Variants in DRC1 observed in about 807,000 individuals in gnomAD.
DRC1 encodes dynein regulatory complex subunit 1.
In DRC1, 74 loss-of-function variants were observed where a neutral mutation model predicts 98.7. The observed-to-expected ratio is 0.75, with a 90% confidence interval of 0.62 to 0.91. The LOEUF (loss-of-function observed/expected upper bound fraction) is 0.91, where lower values mean the gene tolerates loss of function less well. Ranked by LOEUF, DRC1 falls within the 40% of genes least tolerant of loss-of-function variation. The probability of loss-of-function intolerance (pLI) is 0.00; values close to 1 mark genes in which losing one functional copy is unlikely to be tolerated. For synonymous variants in DRC1, 336 were observed against 334.1 expected (o/e 1.01, Z -0.06); for missense variants, 875 against 886.0 (o/e 0.99, Z 0.16).
chr2:26,415,373 T>G (rs967911129), intron 2 of DRC1, among the ~76,000 whole-genome samples: 4 of 152,168 alleles, frequency 2.6e-5, no homozygotes, highest in African/African-American at 9.7e-5. Flanking sequence ...AAAGTGGGAT[T>G]TGAGTTGTCT....
intron 1 of DRC1, among the ~76,000 whole-genome samples, chr2:26,407,830 C>T (rs1412373911): frequency 1.3e-5 from 2 of 152,264 alleles, no homozygotes; most frequent in East Asian, 1.9e-4. Context: ...AATTGTAGTA[C>T]ATTTAAATGT....
intron 4 of DRC1, among the ~76,000 whole-genome samples, chr2:26,424,703 G>C (rs1663239209): frequency 6.6e-6 from 1 of 152,162 alleles, no homozygotes; most frequent in South Asian, 2.1e-4. Flanking sequence ...CATAATCCCA[G>C]CATTCTGGGA....
chr2:26,408,431 G>C (rs1678492018), intron 1 of DRC1, among the ~76,000 whole-genome samples: 1 of 152,134 alleles, frequency 6.6e-6, no homozygotes, highest in Non-Finnish European at 1.5e-5. Flanking sequence ...CAGGAGGCTG[G>C]AGAAGTTTCT....
At chr2:26,418,758 T>TTAA (rs1678939817) in intron 2 of DRC1, among the ~76,000 whole-genome samples, 4 of 124,950 alleles carry the variant, frequency 3.2e-5, no homozygotes, top group African/African-American at 1.2e-4. Flanking sequence ...TAAATTATAT[T>TTAA]TTTATATATT....
chr2:26,422,681 C>A (rs752753911), intron 3 of DRC1, among the ~76,000 whole-genome samples: 2 of 152,096 alleles, frequency 1.3e-5, no homozygotes. Flanking sequence ...TTTGGGAGGC[C>A]GAGGAAGGCG....
chr2:26,431,998 G>A lies in DRC1; in HGVS notation c.880G>A (p.Asp294Asn), dbSNP rs532829853. 1.5e-5 allele frequency: 24 copies of A among 1,614,000 alleles called. No individual in the cohort carries two copies. In the South Asian group the frequency reaches 2.3e-4, roughly 16 times the overall value. The change falls in exon 7 of 17, where the codon GAT (aspartate) becomes AAT (asparagine). Residue 294 changes from aspartate to asparagine, a missense_variant. Physicochemically the swap from Asp to Asn is conservative, Grantham distance 23. Transcript: ENST00000288710. ...YNMIKIKLEQ[D>N]VQILEQQLQQ... ...CATGATCAAGATCAAGCTGGAGCAG[G>A]ATGTGCAGGTGCAACAGCTGGTCCT...
intron 11 of DRC1, 89 bp from the exon 12 acceptor site, chr2:26,449,907 T>TG: frequency 1.7e-6 from 2 of 1,194,376 alleles, no homozygotes; most frequent in South Asian, 2.7e-5. Flanking sequence ...GCATGGTCCC[T>TG]GGAGTGTTAC....
At position 26,439,655 on chromosome 2, in the gene DRC1, T is replaced by A. The variant is rs549702290; in HGVS notation, c.889-723T>A. ...TGGCCATATTTATTTCTATGGTGTT[T>A]TTAGAGGGGCTACTCATATCTCTAA... On this transcript the variant is annotated intron_variant, in intron 7 of 16. Coordinates refer to ENST00000288710, the MANE Select transcript of DRC1 (RefSeq NM_145038.5). Among the ~76,000 whole-genome samples the A allele has an allele frequency of 6.6e-5, 10 of 152,058 alleles. No homozygotes were observed. The South Asian group carries it at 2.1e-3, about 32-fold the overall frequency.
chr2:26,418,557 T>TTTATATATTATATA (rs1678894990), intron 2 of DRC1, among the ~76,000 whole-genome samples: 5 of 94,928 alleles, frequency 5.3e-5, no homozygotes, highest in African/African-American at 1.9e-4. Flanking sequence ...TTATATATAA[T>TTTATATATTATATA]TTATATATAA....
At position 26,448,672 on chromosome 2, in the gene DRC1, C is replaced by A; in HGVS notation, c.1397-19C>A. ...TATCTTCTTTTTCTTTCTCTCTCCT[C>A]CCCATGACCCAACTGCAGAAGAGGA... On this transcript the variant is annotated intron_variant, in intron 10 of 16. Coordinates refer to ENST00000288710, the MANE Select transcript of DRC1 (RefSeq NM_145038.5). 1 of 1,612,008 alleles carries A rather than the reference C, an allele frequency of 6.2e-7. No individual in the cohort carries two copies. Among genetic ancestry groups the A allele is most frequent in the Middle Eastern group, 1.7e-4 (1 of 6,042 alleles).
Position 26,455,210 on chromosome 2 carries a change from C to G in DRC1, c.2143C>G (p.Leu715Val). The change falls in exon 16 of 17, where the codon CTG becomes GTG. Residue 715 changes from leucine to valine, a missense_variant. Leu to Val is a conservative substitution (Grantham distance 32, BLOSUM62 1). Coordinates refer to ENST00000288710, the MANE Select transcript of DRC1 (RefSeq NM_145038.5). ...EQQNTELQAL[L>V]QQYLNSKINS... ...GCAGAACACAGAGCTGCAGGCGCTA[C>G]TGCAGCAGTATCTGAACTCCAAGGT... is the stretch of plus-strand genomic sequence containing the variant. 1 of 1,613,890 alleles carries G rather than the reference C, an allele frequency of 6.2e-7. No homozygotes were observed. The highest frequency in any genetic ancestry group is 8.5e-7 in the Non-Finnish European group (1 of 1,180,000).
At chr2:26,424,592 T>C (rs1663236496) in intron 4 of DRC1, 138 bp downstream of exon 4, 1 of 908,604 alleles carries the variant, frequency 1.1e-6, no homozygotes. Flanking sequence ...AGTCATGTTA[T>C]AAACTTTTTT....
intron 1 of DRC1, among the ~76,000 whole-genome samples, chr2:26,411,423 T>G (rs1558434255): frequency 6.6e-6 from 1 of 152,206 alleles, no homozygotes; most frequent in Non-Finnish European, 1.5e-5. Flanking sequence ...CTAGAGTGTA[T>G]TTTACACTCA....
intron 1 of DRC1, among the ~76,000 whole-genome samples, chr2:26,409,417 A>G (rs1678526164): frequency 6.6e-6 from 1 of 152,234 alleles, no homozygotes; most frequent in Non-Finnish European, 1.5e-5. Context: ...TTATGTACAC[A>G]TAACCAAAAC....
At chr2:26,456,363 G>A in intron 16 of DRC1, 98 bp from the exon 17 acceptor site, 1 of 1,470,424 alleles carries the variant, frequency 6.8e-7, no homozygotes, top group Non-Finnish European at 9.5e-7. Flanking sequence ...TGCGTGCAGG[G>A]CTTTGGAGGC....
chr2:26,455,777 C>T (rs1664142663), intron 16 of DRC1, among the ~76,000 whole-genome samples: 1 of 152,240 alleles, frequency 6.6e-6, no homozygotes, highest in Non-Finnish European at 1.5e-5. Context: ...TTCCCTGGCC[C>T]CCATCTGTGC....
intron 7 of DRC1, among the ~76,000 whole-genome samples, chr2:26,435,975 A>G (rs1277695970): frequency 6.6e-6 from 1 of 152,194 alleles, no homozygotes; most frequent in Non-Finnish European, 1.5e-5. Flanking sequence ...TATATATCCA[A>G]TAATGAGATT....
chr2:26,431,376 C>G (rs72852779), intron 6 of DRC1, among the ~76,000 whole-genome samples: 3,916 of 152,232 alleles, frequency 0.026, 145 homozygotes, highest in African/African-American at 0.081. Context: ...GTGAGTACCA[C>G]CCGGGCAGCT....
At chr2:26,407,532 A>G (rs986069171) in intron 1 of DRC1, among the ~76,000 whole-genome samples, 2 of 151,956 alleles carry the variant, frequency 1.3e-5, no homozygotes, top group Non-Finnish European at 2.9e-5. Flanking sequence ...GTGACAGGAG[A>G]CTGGACATGT....
Sources: allele counts gnomAD v4.1 joint callset (sites outside exome capture counted in the v4.1 genomes callset), GRCh38; gene constraint gnomAD v4.1.1; transcripts MANE v1.5; gene names NCBI Gene and HGNC (gene_info 2026-07-23, HGNC 2026-07-21).